Variants in TDRD9 observed in about 807,000 individuals in gnomAD.
TDRD9 encodes the protein tudor domain containing 9.
In TDRD9, 124 loss-of-function variants were observed where a neutral mutation model predicts 172.6. That is an observed-to-expected ratio of 0.72 (90% CI 0.62 to 0.83). The LOEUF is 0.83. TDRD9 is among the 40% of genes least tolerant of loss of function. The pLI, the probability that TDRD9 is intolerant of heterozygous loss-of-function variation, is 0.00. For missense variants in TDRD9, 1,479 were observed against 1,714.1 expected (o/e 0.86, Z 2.42); for synonymous variants, 619 against 617.1 (o/e 1.00, Z -0.05).
intron 1 of TDRD9, among the ~76,000 whole-genome samples, chr14:103,950,236 C>T (rs1038574358): frequency 2.6e-5 from 4 of 151,546 alleles, no homozygotes; most frequent in South Asian, 2.1e-4. Flanking sequence ...ATTATAGGCA[C>T]GTGCCACCAT....
intron 35 of TDRD9, among the ~76,000 whole-genome samples, chr14:104,051,776 C>T (rs1480566160): frequency 2.0e-5 from 3 of 152,108 alleles, no homozygotes; most frequent in Non-Finnish European, 2.9e-5. Flanking sequence ...GTCTTTTGTC[C>T]ATCTTTAATG....
At chr14:103,950,432 C>T (rs1358381202) in intron 1 of TDRD9, among the ~76,000 whole-genome samples, 1 of 152,164 alleles carries the variant, frequency 6.6e-6, no homozygotes, top group Non-Finnish European at 1.5e-5. Flanking sequence ...TCTTCCACCA[C>T]AATGATTAAA....
At chr14:103,975,884 C>G (rs1243960421) in intron 7 of TDRD9, among the ~76,000 whole-genome samples, 3 of 152,180 alleles carry the variant, frequency 2.0e-5, no homozygotes, top group African/African-American at 7.2e-5. Context: ...ACTGTAGTCA[C>G]CCCACGGTGC....
intron 34 of TDRD9, among the ~76,000 whole-genome samples, chr14:104,044,881 G>A (rs754856928): frequency 5.9e-5 from 9 of 152,278 alleles, no homozygotes; most frequent in Non-Finnish European, 1.2e-4. Flanking sequence ...ATTGGCTTAC[G>A]CCTGTAATCC....
chr14:103,983,993 G>A (rs2033577870), intron 7 of TDRD9, among the ~76,000 whole-genome samples: 1 of 152,190 alleles, frequency 6.6e-6, no homozygotes, highest in South Asian at 2.1e-4. Context: ...AAAGAGACTG[G>A]TGGCATTTTG....
chr14:103,942,943 T>C (rs2031325252), intron 1 of TDRD9, among the ~76,000 whole-genome samples: 1 of 145,406 alleles, frequency 6.9e-6, no homozygotes, highest in Non-Finnish European at 1.5e-5. Flanking sequence ...AATATGGTAA[T>C]AAGGCAGTAA....
At chr14:104,014,085 T>C (rs1489737479) in intron 20 of TDRD9, among the ~76,000 whole-genome samples, 1 of 151,668 alleles carries the variant, frequency 6.6e-6, no homozygotes, top group Admixed American at 6.6e-5. Context: ...AAAAATTAGC[T>C]GGGCGTGGTG....
intron 23 of TDRD9, 46 bp from the exon 24 acceptor site, chr14:104,022,111 A>G: frequency 6.7e-7 from 1 of 1,496,106 alleles, no homozygotes; most frequent in Non-Finnish European, 9.0e-7. Context: ...CAGTTTTTAA[A>G]CAGATGCCTG....
chr14:104,036,491 C>CCT (rs1252097865), intron 32 of TDRD9, among the ~76,000 whole-genome samples: 2 of 152,184 alleles, frequency 1.3e-5, no homozygotes, highest in African/African-American at 4.8e-5. Context: ...CACCTGCAGG[C>CCT]CTGAGGCTTG....
intron 13 of TDRD9, among the ~76,000 whole-genome samples, chr14:103,999,485 G>A (rs1373231345): frequency 6.6e-6 from 1 of 152,106 alleles, no homozygotes; most frequent in African/African-American, 2.4e-5. Context: ...AGGGTGTGTG[G>A]GGTCACTTTT....
intron 1 of TDRD9, among the ~76,000 whole-genome samples, chr14:103,936,630 T>G (rs1489743022): frequency 1.3e-5 from 2 of 152,214 alleles, no homozygotes; most frequent in Admixed American, 6.5e-5. Flanking sequence ...ATATGGGTGC[T>G]TCTCACAGTT....
chr14:104,036,635 T>A (rs574347112), intron 32 of TDRD9, among the ~76,000 whole-genome samples: 10 of 152,320 alleles, frequency 6.6e-5, no homozygotes, highest in African/African-American at 2.2e-4. Flanking sequence ...GTGTGTTATT[T>A]TCACAACTCC....
chr14:104,035,062 G>A lies in TDRD9; in HGVS notation c.3716+6G>A. On this transcript the variant is annotated splice_donor_region_variant and intron_variant, in intron 32 of 35. Transcript: ENST00000409874. Reference sequence around the variant, plus strand: ...GCACCGGTGATAGAGTTAAGGTACGGGCATCCCTCTTGTCTATAGGCTTTG... The same window carrying A: ...GCACCGGTGATAGAGTTAAGGTACGAGCATCCCTCTTGTCTATAGGCTTTG... 2 of 1,549,702 alleles carry A rather than the reference G, an allele frequency of 1.3e-6. 1 individual carries two copies. Among genetic ancestry groups the A allele is most frequent in the South Asian group, 2.4e-5 (2 of 84,022 alleles).
Position 103,953,291 on chromosome 14 carries a change from G to A in TDRD9, c.216-2373G>A, listed in dbSNP as rs76169136. Among the ~76,000 whole-genome samples the A allele has an allele frequency of 5.1e-3, 770 of 152,112 alleles. 11 individuals are homozygous for A. The highest frequency in any genetic ancestry group is 0.018 in the African/African-American group (745 of 41,488). ...CATCATCCTCTTCCCGCCCCCTCCT[G>A]TGGGAGCCACCCAGGCATCTTGACT... On this transcript the variant is annotated intron_variant, in intron 1 of 35. Coordinates refer to ENST00000409874, the MANE Select transcript of TDRD9 (RefSeq NM_153046.3).
At chr14:103,960,223 A>G (rs2152138491) in intron 2 of TDRD9, among the ~76,000 whole-genome samples, 1 of 150,978 alleles carries the variant, frequency 6.6e-6, no homozygotes, top group East Asian at 2.0e-4. Context: ...ATTTGAAGAT[A>G]AGTCTTAAGT....
At chr14:104,007,352 A>G in intron 19 of TDRD9, 148 bp downstream of exon 19, 1 of 714,364 alleles carries the variant, frequency 1.4e-6, no homozygotes, top group Middle Eastern at 2.7e-4. Flanking sequence ...GGCTGTCCCA[A>G]GAGTGGCAGG....
chr14:103,956,742 T>A lies in TDRD9; in HGVS notation c.322+972T>A, dbSNP rs146085975. Among the ~76,000 whole-genome samples, 130 of 152,346 alleles carry A rather than the reference T, an allele frequency of 8.5e-4. 3 individuals carry two copies. The East Asian group carries it at 0.024, about 28-fold the overall frequency. On this transcript the variant is annotated intron_variant, in intron 2 of 35. Coordinates refer to ENST00000409874, the MANE Select transcript of TDRD9 (RefSeq NM_153046.3). ...TATAAAATAAAAAAGTAAAAGGTCC[T>A]TCTTAAATTCCCAGTTCCCAAGAGT...
intron 14 of TDRD9, 104 bp from the exon 15 acceptor site, chr14:104,005,170 C>T: frequency 9.4e-6 from 11 of 1,168,232 alleles, no homozygotes; most frequent in South Asian, 4.7e-5. Flanking sequence ...TTCTTCTCTC[C>T]TCTCCTTCTC....
Position 104,033,983 on chromosome 14 carries a change from G to GC in TDRD9, c.3534dup (p.Ile1179HisfsTer8). Reference sequence around the variant, plus strand: ...AGGTGTGTTTGGATTGAGAAGGAGAGCATCAACTCTGTCATTATCAGTGAC... The same window carrying GC: ...AGGTGTGTTTGGATTGAGAAGGAGAGCCATCAACTCTGTCATTATCAGTGAC... On this transcript the variant is annotated frameshift_variant, in exon 31 of 36. Transcript: ENST00000409874. LOFTEE classifies it high-confidence loss of function. 6.4e-7 allele frequency: 1 copy of GC among 1,550,768 alleles called. No individual in the cohort carries two copies. The highest frequency in any genetic ancestry group is 2.4e-5 in the East Asian group (1 of 40,896).
Sources: gnomAD v4.1 joint callset for allele counts (sites outside exome capture counted in the v4.1 genomes callset) on GRCh38, gnomAD v4.1.1 for gene constraint, MANE v1.5 for transcripts, NCBI Gene and HGNC (gene_info 2026-07-23, HGNC 2026-07-21) for gene names.